FAM168A: variants seen among roughly 807,000 people sequenced by gnomAD.
FAM168A encodes the protein protein FAM168A.
In FAM168A, 3 loss-of-function variants were observed where a neutral mutation model predicts 28.5. That is an observed-to-expected ratio of 0.11 (90% CI 0.05 to 0.27). FAM168A has a LOEUF of 0.27. Ranked by LOEUF, FAM168A falls within the 10% of genes least tolerant of loss-of-function variation. The pLI is 1.00. For missense variants in FAM168A, 222 were observed against 311.5 expected (o/e 0.71, Z 2.16); for synonymous variants, 122 against 124.2 (o/e 0.98, Z 0.12).
chr11:73,545,336 A>T (rs1943733514), intron 1 of FAM168A, among the ~76,000 whole-genome samples: 1 of 151,634 alleles, frequency 6.6e-6, no homozygotes, highest in African/African-American at 2.4e-5. Flanking sequence ...GAACCTTGAA[A>T]ATATTAAGCT....
chr11:73,562,124 G>C (rs185714916), intron 1 of FAM168A, among the ~76,000 whole-genome samples: 17 of 152,318 alleles, frequency 1.1e-4, no homozygotes, highest in Non-Finnish European at 1.8e-4. Flanking sequence ...TGTATTTATA[G>C]TAGAGATAGG....
chr11:73,449,546 T>G (rs1276458796), intron 2 of FAM168A, among the ~76,000 whole-genome samples: 1 of 152,228 alleles, frequency 6.6e-6, no homozygotes, highest in Non-Finnish European at 1.5e-5. Flanking sequence ...ACAGAACTAC[T>G]TAGGATCAGG....
At chr11:73,441,140 C>A (rs1590778060) in intron 2 of FAM168A, among the ~76,000 whole-genome samples, 1 of 151,256 alleles carries the variant, frequency 6.6e-6, no homozygotes, top group African/African-American at 2.4e-5. Flanking sequence ...TTCACCACAA[C>A]CTCCGCATCC....
chr11:73,462,197 C>T (rs533465843), intron 2 of FAM168A, among the ~76,000 whole-genome samples: 1 of 152,164 alleles, frequency 6.6e-6, no homozygotes, highest in East Asian at 1.9e-4. Flanking sequence ...TACAATAGAC[C>T]AAAAGCAGAA....
At chr11:73,549,394 A>G (rs1180661030) in intron 1 of FAM168A, among the ~76,000 whole-genome samples, 2 of 152,248 alleles carry the variant, frequency 1.3e-5, no homozygotes, top group East Asian at 1.9e-4. Flanking sequence ...ATTAATTAAA[A>G]GTAAAAAAAT....
At chr11:73,455,378 C>A (rs1867512201) in intron 2 of FAM168A, among the ~76,000 whole-genome samples, 1 of 152,214 alleles carries the variant, frequency 6.6e-6, no homozygotes, top group African/African-American at 2.4e-5. Flanking sequence ...ATGAGGCACC[C>A]CTGTCGCAAG....
chr11:73,539,535 G>A (rs1943627852), intron 1 of FAM168A, among the ~76,000 whole-genome samples: 1 of 152,074 alleles, frequency 6.6e-6, no homozygotes, highest in Non-Finnish European at 1.5e-5. Flanking sequence ...TCCCAGCGCT[G>A]GGATTGCAGG....
intron 1 of FAM168A, among the ~76,000 whole-genome samples, chr11:73,570,749 C>T (rs1215394839): frequency 1.4e-5 from 2 of 148,060 alleles, no homozygotes; most frequent in Admixed American, 6.7e-5. Flanking sequence ...AAAAAAAAGA[C>T]AAGACAAGAA....
At chr11:73,484,544 CTATCTA>C (rs1018544908) in intron 1 of FAM168A, among the ~76,000 whole-genome samples, 2 of 134,084 alleles carry the variant, frequency 1.5e-5, no homozygotes, top group Admixed American at 7.4e-5. Flanking sequence ...ATCTATATAT[CTATCTA>C]TATCTATATA....
At chr11:73,483,372 T>C (rs1478455577) in intron 1 of FAM168A, among the ~76,000 whole-genome samples, 1 of 152,182 alleles carries the variant, frequency 6.6e-6, no homozygotes, top group Admixed American at 6.5e-5. Context: ...AAGTGTTCAT[T>C]TCACCTTGAG....
chr11:73,559,825 G>A (rs796561074), intron 1 of FAM168A, among the ~76,000 whole-genome samples: 2 of 152,260 alleles, frequency 1.3e-5, no homozygotes, highest in African/African-American at 4.8e-5. Flanking sequence ...TCAATAATGA[G>A]AATCCTCCCT....
rs56294455 is a variant in FAM168A, at chr11:73,445,419, C to CTTTTTTTTTTTTTTTTTTTTTT, written c.71-14671_71-14650dup. 8.3e-4 allele frequency among the ~76,000 whole-genome samples: 42 copies of CTTTTTTTTTTTTTTTTTTTTTT among 50,458 alleles called. 5 individuals are homozygous for CTTTTTTTTTTTTTTTTTTTTTT. The highest frequency in any genetic ancestry group is 2.3e-3 in the African/African-American group (32 of 14,030). The allele number at this position is 50,458 out of a possible 152,430, so 33.1% of individuals were successfully genotyped here. A position where few individuals can be genotyped will look rare whatever the true frequency, so the allele number is the denominator to read the frequency against. On this transcript the variant is annotated intron_variant, in intron 2 of 7. Coordinates refer to ENST00000356467, the MANE Select transcript of FAM168A (RefSeq NM_015159.3). ...CCAGTAGATATATGTAAAAATGTCT[C>CTTTTTTTTTTTTTTTTTTTTTT]TTTTTTTTTTTTTTTTTTTTTTTTT... is the stretch of plus-strand genomic sequence containing the variant.
intron 1 of FAM168A, among the ~76,000 whole-genome samples, chr11:73,579,625 A>G (rs1014337859): frequency 6.6e-6 from 1 of 152,250 alleles, no homozygotes; most frequent in East Asian, 1.9e-4. Context: ...ATGTAATTAA[A>G]TGGAAATTTG....
chr11:73,497,665 C>A (rs915413265), intron 1 of FAM168A, among the ~76,000 whole-genome samples: 1 of 152,014 alleles, frequency 6.6e-6, no homozygotes, highest in Non-Finnish European at 1.5e-5. Context: ...GAAAACCAAA[C>A]ACCACACGTT....
intron 1 of FAM168A, among the ~76,000 whole-genome samples, chr11:73,532,123 C>T (rs1943521811): frequency 6.6e-6 from 1 of 151,874 alleles, no homozygotes; most frequent in Non-Finnish European, 1.5e-5. Context: ...CCAAGTATTA[C>T]TTTCACTGTA....
intron 1 of FAM168A, among the ~76,000 whole-genome samples, chr11:73,495,277 C>T (rs1324187044): frequency 6.6e-6 from 1 of 152,010 alleles, no homozygotes; most frequent in Non-Finnish European, 1.5e-5. Flanking sequence ...TGCAGTGAGC[C>T]GAGATCGTGC....
chr11:73,566,255 C>T (rs1187518636), intron 1 of FAM168A, among the ~76,000 whole-genome samples: 1 of 152,170 alleles, frequency 6.6e-6, no homozygotes, highest in Non-Finnish European at 1.5e-5. Flanking sequence ...AAAGTTATTC[C>T]TTTTCTATTT....
chr11:73,431,008 C>A, intron 2 of FAM168A, among the ~76,000 whole-genome samples: 1 of 151,196 alleles, frequency 6.6e-6, no homozygotes, highest in African/African-American at 2.4e-5. Context: ...TTTTTAAAAG[C>A]AATACAAGAA....
chr11:73,434,892 G>C (rs760273217), intron 2 of FAM168A, among the ~76,000 whole-genome samples: 3 of 152,196 alleles, frequency 2.0e-5, no homozygotes, highest in Non-Finnish European at 4.4e-5. Flanking sequence ...GGTTTGAAGA[G>C]ACGTGACATC....
Sources: gnomAD v4.1 joint callset for allele counts (sites outside exome capture counted in the v4.1 genomes callset) on GRCh38, gnomAD v4.1.1 for gene constraint, MANE v1.5 for transcripts, NCBI Gene and HGNC (gene_info 2026-07-23, HGNC 2026-07-21) for gene names.